The following DISP2 variants were observed in gnomAD, a reference collection of about 807,000 sequenced individuals.
DISP2 encodes protein dispatched homolog 2.
A neutral mutation model predicts 95.5 loss-of-function variants in DISP2; 59 were observed. The ratio of observed to expected loss-of-function variants is 0.62; its 90% CI spans 0.50 to 0.77. The LOEUF is 0.77. DISP2 is among the 30% of genes least tolerant of loss of function. The pLI is 0.00. For missense variants in DISP2, 1,752 were observed against 1,854.6 expected (o/e 0.94, Z 1.02); for synonymous variants, 827 against 815.0 (o/e 1.01, Z -0.25).
In DISP2 at chr15:40,358,458, GCAGATCCGTATCA is replaced by G. The variant is rs932422925; in HGVS notation, c.119+23_119+35del. 1.3e-4 allele frequency: 165 copies of G among 1,287,944 alleles called. No individual in the cohort carries two copies. Among genetic ancestry groups the G allele is most frequent in the Non-Finnish European group, 1.4e-4 (144 of 1,015,764 alleles). The allele number at this position is 1,287,944 out of a possible 1,614,324, so 79.8% of individuals were successfully genotyped here. A position where few individuals can be genotyped will look rare whatever the true frequency, so the allele number is the denominator to read the frequency against. On this transcript the variant is annotated intron_variant, in intron 1 of 7. Transcript: ENST00000267889. ...CCGGACAGGTAGGGCGGACAGCTCC[GCAGATCCGTATCA>G]CAGACCCTCCCAGACCCTCCCCGCC...
intron 1 of DISP2, among the ~76,000 whole-genome samples, chr15:40,360,747 C>G: frequency 6.6e-6 from 1 of 152,172 alleles, no homozygotes; most frequent in Non-Finnish European, 1.5e-5. Flanking sequence ...CAAGTGGGGC[C>G]CTGGCTCCTA....
chr15:40,359,368 C>T (rs1380067503), intron 1 of DISP2, among the ~76,000 whole-genome samples: 2 of 152,224 alleles, frequency 1.3e-5, no homozygotes, highest in Non-Finnish European at 2.9e-5. Context: ...GGGAGAAAGC[C>T]CCACAAGTAG....
intron 1 of DISP2, among the ~76,000 whole-genome samples, chr15:40,362,065 A>T (rs1388059687): frequency 6.6e-6 from 1 of 152,244 alleles, no homozygotes; most frequent in Non-Finnish European, 1.5e-5. Flanking sequence ...GTGGGGCTGC[A>T]CACATGCACA....
rs753844669 is a variant in DISP2, at chr15:40,368,203, C to T, written c.2091C>T (p.Cys697=). 49 of 1,608,212 alleles carry T rather than the reference C, an allele frequency of 3.0e-5. 1 individual carries two copies. In the South Asian group the frequency reaches 4.0e-4, roughly 13 times the overall value. Reference sequence around the variant, plus strand: ...TGCTCTTCCAGCGCCTGCTGCCCTGCGGCGTCATCAAGTTCCGCTACATCT... The same window carrying T: ...TGCTCTTCCAGCGCCTGCTGCCCTGTGGCGTCATCAAGTTCCGCTACATCT... ...SRLLFQRLLP[C]GVIKFRYIWI... is the part of the protein sequence containing the mutation. The change falls in exon 8 of 8, where the codon TGC becomes TGT. Residue 697 remains cysteine, a synonymous_variant. Coordinates refer to ENST00000267889, the MANE Select transcript of DISP2 (RefSeq NM_033510.3).
Position 40,364,443 on chromosome 15 carries a change from T to C in DISP2, c.502T>C (p.Trp168Arg), listed in dbSNP as rs1038442355. ...PKSYSQLIAE[W>R]PVAVLMLCLA... Reference sequence around the variant, plus strand: ...CAGCTATTCCCAGCTGATTGCTGAGTGGCCAGTGGCCGTGCTGATGCTGTG... The same window carrying C: ...CAGCTATTCCCAGCTGATTGCTGAGCGGCCAGTGGCCGTGCTGATGCTGTG... Residue 168 changes from tryptophan to arginine, a missense_variant, in exon 4 of 8, where the codon TGG becomes CGG. Trp to Arg is a moderately radical substitution (Grantham distance 101, BLOSUM62 -3). This residue lies in a region of DISP2 where 342 missense variants were observed against 364.3 expected (regional missense o/e 0.94). Coordinates refer to ENST00000267889, the MANE Select transcript of DISP2 (RefSeq NM_033510.3). 30 of 1,613,876 alleles carry C rather than the reference T, an allele frequency of 1.9e-5. No individual in the cohort carries two copies. The highest frequency in any genetic ancestry group is 2.3e-5 in the Non-Finnish European group (27 of 1,180,038).
rs1555400589 is a variant in DISP2, at chr15:40,374,014, A to AATATATATATATATATATATATATATAT, written c.*3714_*3715insATATATATATATATATATATATATATAT. On this transcript the variant is annotated 3_prime_UTR_variant, in exon 8 of 8. Transcript: ENST00000267889. ...GCGAGACTCCATCTTAAAAAAAAAA[A>AATATATATATATATATATATATATATAT]ATATATATATATATATATGTAAACT... is the stretch of plus-strand genomic sequence containing the variant. The AATATATATATATATATATATATATATAT allele has an allele frequency of 9.6e-6, 1 of 104,150 alleles. No homozygotes were observed. The highest frequency in any genetic ancestry group is 4.2e-5 in the African/African-American group (1 of 23,982). 6.5% of individuals were successfully genotyped at this position (104,150 alleles called of 1,614,324 possible).
chr15:40,364,989 A>C, intron 5 of DISP2, 36 bp downstream of exon 5: 1 of 1,610,750 alleles, frequency 6.2e-7, no homozygotes. Flanking sequence ...TGGGTGGCAG[A>C]GGGAAGAATG....
At position 40,377,349 on chromosome 15, in the gene DISP2, GA is replaced by G. The variant is rs1889744942; in HGVS notation, c.*7032del. On this transcript the variant is annotated 3_prime_UTR_variant, in exon 8 of 8. Coordinates refer to ENST00000267889, the MANE Select transcript of DISP2 (RefSeq NM_033510.3). ...AAAAAAATTTTTGACTGAAAGTACA[GA>G]TACAACTTCCCTTTCCAGCCAAGAT... 6.6e-6 allele frequency: 1 copy of G among 151,430 alleles called. No homozygotes were observed. Among genetic ancestry groups the G allele is most frequent in the Non-Finnish European group, 1.5e-5 (1 of 67,926 alleles). 9.4% of individuals were successfully genotyped at this position (151,430 alleles called of 1,614,324 possible). A position where few individuals can be genotyped will look rare whatever the true frequency, so the allele number is the denominator to read the frequency against.
At chr15:40,364,122 A>G (rs1484140706) in intron 2 of DISP2, 104 bp from the exon 3 acceptor site, 32 of 1,552,314 alleles carry the variant, frequency 2.1e-5, no homozygotes, top group Non-Finnish European at 2.7e-5. Context: ...GGTTAATACC[A>G]TGGGTTATCC....
intron 7 of DISP2, among the ~76,000 whole-genome samples, chr15:40,366,407 A>C (rs1324160446): frequency 6.6e-6 from 1 of 152,234 alleles, no homozygotes; most frequent in African/African-American, 2.4e-5. Flanking sequence ...AAAATACAGC[A>C]TAATGACTGG....
In DISP2 at chr15:40,376,170, A is replaced by T. The variant is rs571053230; in HGVS notation, c.*5852A>T. 2.6e-4 allele frequency: 39 copies of T among 152,194 alleles called. 1 individual carries two copies. In the South Asian group the frequency reaches 7.5e-3, roughly 29 times the overall value. The allele number at this position is 152,194 out of a possible 1,614,324, so 9.4% of individuals were successfully genotyped here. On this transcript the variant is annotated 3_prime_UTR_variant, in exon 8 of 8. Coordinates refer to ENST00000267889, the MANE Select transcript of DISP2 (RefSeq NM_033510.3). ...AAAGGAAAAAATAATAAAAATTTTT[A>T]AAAATAATTCAACTTCAGGTGAGAC...
At position 40,376,215 on chromosome 15, in the gene DISP2, A is replaced by C. The variant is rs1322002409; in HGVS notation, c.*5897A>C. 6.6e-6 allele frequency: 1 copy of C among 152,262 alleles called. No homozygotes were observed. The highest frequency in any genetic ancestry group is 2.4e-5 in the African/African-American group (1 of 41,468). 9.4% of individuals were successfully genotyped at this position (152,262 alleles called of 1,614,324 possible). On this transcript the variant is annotated 3_prime_UTR_variant, in exon 8 of 8. Coordinates refer to ENST00000267889, the MANE Select transcript of DISP2 (RefSeq NM_033510.3). ...TGAGACACAGTGGCTCATGCCTATA[A>C]TCCCAGTGTTTTGAAAGGCTGAAGT...
At chr15:40,366,046 G>C (rs1007996740) in intron 7 of DISP2, among the ~76,000 whole-genome samples, 4 of 152,254 alleles carry the variant, frequency 2.6e-5, no homozygotes, top group Non-Finnish European at 5.9e-5. Context: ...TGGGCTTCAA[G>C]GCCTCAGCCC....
rs1423025013 is a variant in DISP2 at position 40,368,434 on chromosome 15, G to A, written c.2322G>A (p.Leu774=). 6.2e-7 allele frequency: 1 copy of A among 1,609,610 alleles called. No homozygotes were observed. Among genetic ancestry groups the A allele is most frequent in the Admixed American group, 1.7e-5 (1 of 60,032 alleles). Reference sequence around the variant, plus strand: ...AGGGCGGCCACATGCCCGTGGTTTTGGTGTGGGGCGTCCTGCCTGTGGACA... The same window carrying A: ...AGGGCGGCCACATGCCCGTGGTTTTAGTGTGGGGCGTCCTGCCTGTGGACA... The part of the protein sequence containing the change: ...QGEGGHMPVV[L]VWGVLPVDTG... The change falls in exon 8 of 8, where the codon TTG becomes TTA. Residue 774 remains leucine, a synonymous_variant. Transcript: ENST00000267889.
In DISP2 at chr15:40,368,729, CA is replaced by C; in HGVS notation, c.2618del (p.His873ProfsTer3). 6.2e-7 allele frequency: 1 copy of C among 1,613,672 alleles called. No individual in the cohort carries two copies. Among genetic ancestry groups the C allele is most frequent in the Non-Finnish European group, 8.5e-7 (1 of 1,180,036 alleles). ...DFPWAPQFFL[H>X]CLKMMALEQG... ...CCCCTGGGCCCCCCAGTTTTTCCTGCACTGCCTGAAAATGATGGCTCTGGAG... is the reference window on the plus strand; with the variant it reads ...CCCCTGGGCCCCCCAGTTTTTCCTGCCTGCCTGAAAATGATGGCTCTGGAG... On this transcript the variant is annotated frameshift_variant, in exon 8 of 8. Coordinates refer to ENST00000267889, the MANE Select transcript of DISP2 (RefSeq NM_033510.3). LOFTEE classifies it high-confidence loss of function.
intron 6 of DISP2, 76 bp downstream of exon 6, chr15:40,365,350 C>T: frequency 6.4e-7 from 1 of 1,552,580 alleles, no homozygotes; most frequent in Non-Finnish European, 8.7e-7. Context: ...AGGCCCAGAA[C>T]AAATCTGGGC....
intron 1 of DISP2, among the ~76,000 whole-genome samples, chr15:40,363,298 C>T (rs371997757): frequency 1.6e-4 from 22 of 138,284 alleles, no homozygotes; most frequent in African/African-American, 5.7e-4. Context: ...GGTGACAGAG[C>T]GAGACTCCAT....
Position 40,370,849 on chromosome 15 carries a change from C to G in DISP2, c.*531C>G. The G allele has an allele frequency of 3.0e-6, 1 of 334,392 alleles. No homozygotes were observed. Among genetic ancestry groups the G allele is most frequent in the Non-Finnish European group, 6.0e-6 (1 of 166,082 alleles). The allele number at this position is 334,392 out of a possible 1,614,324, so 20.7% of individuals were successfully genotyped here. On this transcript the variant is annotated 3_prime_UTR_variant, in exon 8 of 8. Transcript: ENST00000267889. ...TCTGGGCAGAATTGGGCTGGGACCT[C>G]TCTCCCCAACTGCCCTGCTCTCCTC... is the stretch of plus-strand genomic sequence containing the variant.
In DISP2 at chr15:40,368,734, C is replaced by T. The variant is rs2141263079; in HGVS notation, c.2622C>T (p.Cys874=). ...GGGCCCCCCAGTTTTTCCTGCACTG[C>T]CTGAAAATGATGGCTCTGGAGCAAG... ...FPWAPQFFLH[C]LKMMALEQGP... Residue 874 remains cysteine (C), a synonymous_variant, in exon 8 of 8, where the codon TGC becomes TGT. Coordinates refer to ENST00000267889, the MANE Select transcript of DISP2 (RefSeq NM_033510.3). 1 of 1,613,672 alleles carries T rather than the reference C, an allele frequency of 6.2e-7. No individual in the cohort carries two copies. The highest frequency in any genetic ancestry group is 8.5e-7 in the Non-Finnish European group (1 of 1,180,022).
Sources: allele counts gnomAD v4.1 joint callset (sites outside exome capture counted in the v4.1 genomes callset), GRCh38; gene constraint gnomAD v4.1.1; regional missense constraint gnomAD v4.1.1; transcripts MANE v1.5; gene names NCBI Gene and HGNC (gene_info 2026-07-23, HGNC 2026-07-21).